Variants in PSMA5 observed in about 807,000 individuals in gnomAD.
PSMA5 encodes proteasome subunit alpha type-5.
In PSMA5, 3 loss-of-function variants were observed where a neutral mutation model predicts 34.5. The observed-to-expected ratio is 0.09, with a 90% CI of 0.04 to 0.22. The LOEUF (loss-of-function observed/expected upper bound fraction) is 0.22. Among genes scored for constraint, PSMA5 ranks in the 10% least tolerant of loss-of-function variants. The probability of loss-of-function intolerance (pLI) is 1.00; values close to 1 mark genes in which losing one functional copy is unlikely to be tolerated. For synonymous variants in PSMA5, 88 were observed against 95.8 expected, an observed-to-expected ratio of 0.92 and a Z score of 0.47; for missense variants, 120 against 286.1, an observed-to-expected ratio of 0.42 and a Z score of 4.19.
At chr1:109,402,606 A>C (rs1490881130) in intron 8 of PSMA5, among the ~76,000 whole-genome samples, 1 of 152,256 alleles carries the variant, frequency 6.6e-6, no homozygotes, top group Non-Finnish European at 1.5e-5. Flanking sequence ...TAAAGTGCTT[A>C]GACCATTATT....
chr1:109,413,119 C>G lies in PSMA5; in HGVS notation c.240G>C (p.Gly80=), dbSNP rs7532026. The change falls in exon 4 of 9, where the codon GGG becomes GGC. Residue 80 remains glycine (G), a synonymous_variant. Transcript: ENST00000271308. ...IDAHIGCAMS[G]LIADAKTLID... Reference sequence around the variant, plus strand: ...TTAAAGTCTTAGCATCAGCAATTAGCCCACTCATGGCACAACCTGCAATGT... The same window carrying G: ...TTAAAGTCTTAGCATCAGCAATTAGGCCACTCATGGCACAACCTGCAATGT... 3.4e-5 allele frequency: 55 copies of G among 1,613,796 alleles called. No homozygotes were observed. In the African/African-American group the frequency reaches 7.2e-4, roughly 21 times the overall value.
intron 8 of PSMA5, among the ~76,000 whole-genome samples, chr1:109,402,694 T>C (rs1167946378): frequency 2.0e-5 from 3 of 150,248 alleles, no homozygotes; most frequent in African/African-American, 7.4e-5. Context: ...AACAAAAAAG[T>C]TTTTTTTGTT....
At position 109,400,096 on chromosome 1, in the gene PSMA5, T is replaced by A. The variant is rs74113857; in HGVS notation, c.*1917A>T. On this transcript the variant is annotated 3_prime_UTR_variant, in exon 9 of 9. Coordinates refer to ENST00000271308, the MANE Select transcript of PSMA5 (RefSeq NM_002790.4). ...TTTGAAGAATGCCAATTATAGAAGG[T>A]ACGAAATTTACTGTTTTACCAGGTA... 3.1e-3 allele frequency: 469 copies of A among 152,246 alleles called. 2 individuals carry two copies. Among genetic ancestry groups the A allele is most frequent in the African/African-American group, 0.01 (434 of 41,540 alleles). 9.4% of individuals were successfully genotyped at this position (152,246 alleles called of 1,614,324 possible).
In PSMA5 at chr1:109,401,825, TAGAAG is replaced by T. The variant is rs1189672622; in HGVS notation, c.*183_*187del. The T allele has an allele frequency of 1.8e-4, 72 of 400,834 alleles. No individual in the cohort carries two copies. The highest frequency in any genetic ancestry group is 1.4e-3 in the African/African-American group (67 of 47,350). 24.8% of individuals were successfully genotyped at this position (400,834 alleles called of 1,614,324 possible). On this transcript the variant is annotated 3_prime_UTR_variant, in exon 9 of 9. Transcript: ENST00000271308. ...AAAAAAAAAAAAAAAAAAAGACTAT[TAGAAG>T]AGAACAGTCTATTAACAAATATTTT... is the stretch of plus-strand genomic sequence containing the variant.
chr1:109,426,372 G>C lies in PSMA5; in HGVS notation c.-42C>G. 6.2e-7 allele frequency: 1 copy of C among 1,612,208 alleles called. No homozygotes were observed. Among genetic ancestry groups the C allele is most frequent in the South Asian group, 1.1e-5 (1 of 91,038 alleles). On this transcript the variant is annotated 5_prime_UTR_variant, in exon 1 of 9. Coordinates refer to ENST00000271308, the MANE Select transcript of PSMA5 (RefSeq NM_002790.4). ...GGCAGCGGCTACGCGGGGATTCTGA[G>C]GACCAACACGACTCCACCGGCACCC...
chr1:109,411,034 A>T lies in PSMA5; in HGVS notation c.538T>A (p.Ser180Thr). 6.2e-7 allele frequency: 1 copy of T among 1,613,356 alleles called. No individual in the cohort carries two copies. The change falls in exon 7 of 9, where the codon TCC (serine) becomes ACC (threonine). Residue 180 changes from serine to threonine, a missense_variant. Ser to Thr is a moderately conservative substitution (Grantham distance 58). This residue lies in a region of PSMA5 where 83 missense variants were observed against 203.2 expected (regional missense o/e 0.41). Coordinates refer to ENST00000271308, the MANE Select transcript of PSMA5 (RefSeq NM_002790.4). ...ACCTTGTGGTAAACTTCTTGCAAGG[A>T]GCTCTGGGCACCCTCTGAAGCAGAG... ...IGSASEGAQS[S>T]LQEVYHKSMT...
chr1:109,413,584 G>A (rs989917901), intron 3 of PSMA5, among the ~76,000 whole-genome samples: 9 of 152,162 alleles, frequency 5.9e-5, no homozygotes, highest in African/African-American at 2.2e-4. Context: ...CAAACACAAA[G>A]CAACTAGTTA....
Position 109,411,949 on chromosome 1 carries a change from A to G in PSMA5, c.400-14T>C, listed in dbSNP as rs372502143. On this transcript the variant is annotated splice_polypyrimidine_tract_variant and intron_variant, in intron 5 of 8. Coordinates refer to ENST00000271308, the MANE Select transcript of PSMA5 (RefSeq NM_002790.4). Reference sequence around the variant, plus strand: ...AAAGGGACGAGACTAGAACCAAAAAATAAGAGATATTAAGATAAATGGCTA... The same window carrying G: ...AAAGGGACGAGACTAGAACCAAAAAGTAAGAGATATTAAGATAAATGGCTA... 52 of 1,608,284 alleles carry G rather than the reference A, an allele frequency of 3.2e-5. No individual in the cohort carries two copies. The highest frequency in any genetic ancestry group is 1.7e-4 in the Middle Eastern group (1 of 6,052).
chr1:109,422,788 C>T (rs563572019), intron 1 of PSMA5, among the ~76,000 whole-genome samples: 20 of 152,300 alleles, frequency 1.3e-4, no homozygotes, highest in Admixed American at 2.6e-4. Context: ...TTACTTTTTA[C>T]TAAAAGTTAG....
At chr1:109,418,992 T>C (rs762530834) in intron 2 of PSMA5, among the ~76,000 whole-genome samples, 145 of 151,672 alleles carry the variant, frequency 9.6e-4, no homozygotes, top group Non-Finnish European at 1.6e-3. Context: ...CCGTCTCTAC[T>C]AAAAATGCAA....
At chr1:109,420,947 G>A (rs1029226214) in intron 2 of PSMA5, among the ~76,000 whole-genome samples, 1 of 150,796 alleles carries the variant, frequency 6.6e-6, no homozygotes, top group African/African-American at 2.5e-5. Flanking sequence ...TTGAGAGGCT[G>A]AGGCAGGAGG....
In PSMA5 at chr1:109,399,752, TTATTA is replaced by T. The variant is rs1489821032; in HGVS notation, c.*2256_*2260del. The T allele has an allele frequency of 1.3e-5, 2 of 152,192 alleles. No individual in the cohort carries two copies. Among genetic ancestry groups the T allele is most frequent in the African/African-American group, 4.8e-5 (2 of 41,432 alleles). The allele number at this position is 152,192 out of a possible 1,614,324, so 9.4% of individuals were successfully genotyped here. The stretch of plus-strand genomic sequence containing the variant: ...TGAGAAAATGTTTGAGTGAATATAT[TTATTA>T]TTTCACTTTTTAAATTGGAAACCCT... On this transcript the variant is annotated 3_prime_UTR_variant, in exon 9 of 9. Coordinates refer to ENST00000271308, the MANE Select transcript of PSMA5 (RefSeq NM_002790.4).
Position 109,409,794 on chromosome 1 carries a change from G to C in PSMA5, c.648+134C>G, listed in dbSNP as rs1027524596. Reference sequence around the variant, plus strand: ...ACCAGGCATGGTGTGTGCACCTGTAGTCCCAGCTACTCGAGAGGCTGGGGT... The same window carrying C: ...ACCAGGCATGGTGTGTGCACCTGTACTCCCAGCTACTCGAGAGGCTGGGGT... On this transcript the variant is annotated intron_variant, in intron 8 of 8. Coordinates refer to ENST00000271308, the MANE Select transcript of PSMA5 (RefSeq NM_002790.4). The C allele has an allele frequency of 6.2e-5, 39 of 624,246 alleles. No homozygotes were observed. The African/African-American group carries it at 6.7e-4, about 11-fold the overall frequency. The allele number at this position is 624,246 out of a possible 1,614,324, so 38.7% of individuals were successfully genotyped here. A position where few individuals can be genotyped will look rare whatever the true frequency, so the allele number is the denominator to read the frequency against.
At position 109,421,841 on chromosome 1, in the gene PSMA5, A is replaced by C. The variant is rs781198452; in HGVS notation, c.96+19T>G. The C allele has an allele frequency of 6.1e-5, 94 of 1,550,076 alleles. No individual in the cohort carries two copies. Among genetic ancestry groups the C allele is most frequent in the Non-Finnish European group, 8.0e-5 (92 of 1,150,886 alleles). Reference sequence around the variant, plus strand: ...AGGTAGCCATGAAATTTCAGGACCTATGCTACTTGCTACTATACCTTGATA... The same window carrying C: ...AGGTAGCCATGAAATTTCAGGACCTCTGCTACTTGCTACTATACCTTGATA... On this transcript the variant is annotated intron_variant, in intron 2 of 8. Transcript: ENST00000271308.
At chr1:109,422,105 T>C (rs894613303) in intron 1 of PSMA5, among the ~76,000 whole-genome samples, 179 bp from the exon 2 acceptor site, 5 of 152,204 alleles carry the variant, frequency 3.3e-5, no homozygotes, top group Admixed American at 1.3e-4. Flanking sequence ...CTCAAGGCAA[T>C]GGAACCTATA....
At chr1:109,411,253 A>C in intron 6 of PSMA5, 140 bp from the exon 7 acceptor site, 1 of 608,612 alleles carries the variant, frequency 1.6e-6, no homozygotes, top group Non-Finnish European at 2.9e-6. Flanking sequence ...CAGATCTAAA[A>C]GATGTTCTAT....
At chr1:109,418,983 C>T (rs1016580847) in intron 2 of PSMA5, among the ~76,000 whole-genome samples, 4 of 152,050 alleles carry the variant, frequency 2.6e-5, no homozygotes, top group East Asian at 1.9e-4. Context: ...GGACAAACCC[C>T]GTCTCTACTA....
At chr1:109,412,846 G>T in intron 4 of PSMA5, 1 of 422,160 alleles carries the variant, frequency 2.4e-6, no homozygotes, top group Non-Finnish European at 4.2e-6. Context: ...AAAAAAGGAA[G>T]ACACTGTCAG....
chr1:109,413,646 C>T (rs1220957457), intron 3 of PSMA5, among the ~76,000 whole-genome samples: 1 of 152,214 alleles, frequency 6.6e-6, no homozygotes, highest in African/African-American at 2.4e-5. Flanking sequence ...ATGGCTATAA[C>T]TGTTATTGTA....
Sources: allele counts gnomAD v4.1 joint callset (sites outside exome capture counted in the v4.1 genomes callset), GRCh38; gene constraint gnomAD v4.1.1; regional missense constraint gnomAD v4.1.1; transcripts MANE v1.5; gene names NCBI Gene and HGNC (gene_info 2026-07-23, HGNC 2026-07-21).